The following CCNL1 variants were observed in gnomAD, a reference collection of about 807,000 sequenced individuals.
CCNL1 encodes the protein cyclin L1, also known as cyclin-L1.
A neutral mutation model predicts 60.6 loss-of-function variants in CCNL1; 13 were observed. That is an observed-to-expected ratio of 0.21 (90% CI 0.14 to 0.34). CCNL1 has a LOEUF of 0.34. Among genes scored for constraint, CCNL1 ranks in the 10% least tolerant of loss-of-function variants. The pLI is 1.00. For synonymous variants in CCNL1, 270 were observed against 244.3 expected (o/e 1.10, Z -0.98); for missense variants, 481 against 664.3 (o/e 0.72, Z 3.03).
At chr3:157,150,477 C>T (rs1479325773) in intron 5 of CCNL1, 96 bp from the exon 6 acceptor site, 12 of 1,486,546 alleles carry the variant, frequency 8.1e-6, no homozygotes, top group Non-Finnish European at 1.1e-5. Context: ...ATTCTTTTTT[C>T]TTCTCTTATT....
intron 3 of CCNL1, 140 bp from the exon 4 acceptor site, chr3:157,153,296 A>G (rs1469034103): frequency 2.8e-6 from 2 of 719,072 alleles, no homozygotes. Flanking sequence ...TTAAAGCATT[A>G]ATCTTGTGCT....
chr3:157,159,590 C>T (rs2108143676), intron 1 of CCNL1, 111 bp from the exon 2 acceptor site: 135 of 1,056,040 alleles, frequency 1.3e-4, no homozygotes, highest in Non-Finnish European at 1.4e-4. Flanking sequence ...CCGCCGCCGC[C>T]GCTGCGAACA....
intron 3 of CCNL1, among the ~76,000 whole-genome samples, chr3:157,156,394 A>G (rs897255250): frequency 6.6e-6 from 1 of 152,214 alleles, no homozygotes; most frequent in African/African-American, 2.4e-5. Context: ...CTGAAAATAC[A>G]TTGTATTTAC....
chr3:157,149,720 C>T, intron 8 of CCNL1, 116 bp downstream of exon 8: 3 of 1,463,766 alleles, frequency 2.0e-6, no homozygotes, highest in Non-Finnish European at 2.8e-6. Context: ...CATGAGAGAA[C>T]ATAGCAGCAG....
chr3:157,159,855 C>G lies in CCNL1; in HGVS notation c.240G>C (p.Thr80=), dbSNP rs1227793903. ...GCTCGCAGCCCAGGATGCGTAAGTCCGTCTCACTGGGCAGGTCGAGCCCAT... is the reference window on the plus strand; with the variant it reads ...GCTCGCAGCCCAGGATGCGTAAGTCGGTCTCACTGGGCAGGTCGAGCCCAT... ...MQDGLDLPSE[T]DLRILGCELI... Residue 80 remains threonine (T), a synonymous_variant, in exon 1 of 11, where the codon ACG becomes ACC. Coordinates refer to ENST00000295926, the MANE Select transcript of CCNL1 (RefSeq NM_020307.4). The G allele has an allele frequency of 6.4e-7, 1 of 1,574,508 alleles. No individual in the cohort carries two copies.
rs1738167022 is a variant in CCNL1, at chr3:157,151,238, G to A, written c.675-857C>T. On this transcript the variant is annotated intron_variant, in intron 5 of 10. Coordinates refer to ENST00000295926, the MANE Select transcript of CCNL1 (RefSeq NM_020307.4). ...TACTGAGTCCAAAAGAAGCATGGCA[G>A]TCATAAAAAGGACATCTTGCTGGGA... is the stretch of plus-strand genomic sequence containing the variant. 4.1e-6 allele frequency: 4 copies of A among 985,432 alleles called. No homozygotes were observed. The South Asian group carries it at 1.9e-4, about 46-fold the overall frequency. 61.0% of individuals were successfully genotyped at this position (985,432 alleles called of 1,614,324 possible). A position where few individuals can be genotyped will look rare whatever the true frequency, so the allele number is the denominator to read the frequency against.
At chr3:157,150,542 G>A in intron 5 of CCNL1, 161 bp from the exon 6 acceptor site, 1 of 1,373,458 alleles carries the variant, frequency 7.3e-7, no homozygotes, top group Non-Finnish European at 9.5e-7. Flanking sequence ...AAAAAAATCA[G>A]TAAGCAATAA....
intron 10 of CCNL1, 128 bp from the exon 11 acceptor site, chr3:157,148,717 T>C: frequency 1.4e-6 from 1 of 736,144 alleles, no homozygotes; most frequent in Non-Finnish European, 2.2e-6. Context: ...CTTTTCAAAA[T>C]CTCCCCACCC....
rs1737919135 is a variant in CCNL1 at position 157,148,576 on chromosome 3, G to A, written c.1246C>T (p.Arg416Trp). 1 of 1,606,728 alleles carries A rather than the reference G, an allele frequency of 6.2e-7. No homozygotes were observed. Among genetic ancestry groups the A allele is most frequent in the Non-Finnish European group, 8.5e-7 (1 of 1,177,050 alleles). The change falls in exon 11 of 11, where the codon CGG (arginine) becomes TGG (tryptophan). Residue 416 changes from arginine to tryptophan, a missense_variant. Coordinates refer to ENST00000295926, the MANE Select transcript of CCNL1 (RefSeq NM_020307.4). The part of the protein sequence containing the change: ...HTPRRHYNNR[R>W]SRSGTYSSRS... ...GAGCTGTATGTTCCAGATCGACTCC[G>A]CCTATTATTATAGCTTAGATAATAA...
At chr3:157,145,437 C>CAAAAAA (rs56894231), downstream of CCNL1, among the ~76,000 whole-genome samples, 4 of 24,266 alleles carry the variant, frequency 1.6e-4, no homozygotes, top group East Asian at 1.7e-3. Context: ...GACTTCATCT[C>CAAAAAA]AAAAAAAAAA....
At chr3:157,158,667 CT>C (rs1410095497) in intron 3 of CCNL1, 198 bp downstream of exon 3, 4 of 447,908 alleles carry the variant, frequency 8.9e-6, no homozygotes, top group African/African-American at 8.1e-5. Flanking sequence ...CCTCTACAAA[CT>C]TTAGATAACC....
intron 1 of CCNL1, 125 bp downstream of exon 1, chr3:157,159,667 G>A: frequency 9.2e-7 from 1 of 1,085,186 alleles, no homozygotes; most frequent in East Asian, 2.7e-5. Flanking sequence ...CCGCGGCTGG[G>A]CCCCGAACGG....
chr3:157,145,455 A>AAAAAAAAAAAAAAAAAAAAAAAAC (rs1737753226), downstream of CCNL1, among the ~76,000 whole-genome samples: 1 of 148,352 alleles, frequency 6.7e-6, no homozygotes. Flanking sequence ...AAAAAAAAAA[A>AAAAAAAAAAAAAAAAAAAAAAAAC]AAAAAAAAAC....
At chr3:157,148,650 G>A in intron 10 of CCNL1, 61 bp from the exon 11 acceptor site, 1 of 1,447,412 alleles carries the variant, frequency 6.9e-7, no homozygotes, top group Non-Finnish European at 9.3e-7. Context: ...TTATTCCGGT[G>A]GTTGCTCATA....
At position 157,148,569 on chromosome 3, in the gene CCNL1, C is replaced by A. The variant is rs771814832; in HGVS notation, c.1253G>T (p.Arg418Leu). ...PRRHYNNRRS[R>L]SGTYSSRSRS... ...TGATCTCGAGCTGTATGTTCCAGAT[C>A]GACTCCGCCTATTATTATAGCTTAG... The change falls in exon 11 of 11, where the codon CGA becomes CTA. Residue 418 changes from arginine to leucine, a missense_variant. This residue lies in a region of CCNL1 where 197 missense variants were observed against 233.9 expected (regional missense o/e 0.84). Coordinates refer to ENST00000295926, the MANE Select transcript of CCNL1 (RefSeq NM_020307.4). The A allele has an allele frequency of 1.9e-6, 3 of 1,610,426 alleles. No homozygotes were observed. The highest frequency in any genetic ancestry group is 2.2e-5 in the East Asian group (1 of 44,822).
chr3:157,153,169 A>T lies in CCNL1; in HGVS notation c.489-13T>A. ...GGGGCTTGGAGTCCTATAGTTTGTA[A>T]GAAATAAAATCAAAACTGTTTTGCA... On this transcript the variant is annotated splice_polypyrimidine_tract_variant and intron_variant, in intron 3 of 10. Coordinates refer to ENST00000295926, the MANE Select transcript of CCNL1 (RefSeq NM_020307.4). 1 of 1,595,298 alleles carries T rather than the reference A, an allele frequency of 6.3e-7. No individual in the cohort carries two copies. The highest frequency in any genetic ancestry group is 8.5e-7 in the Non-Finnish European group (1 of 1,174,224).
In CCNL1 at chr3:157,147,925, TTA is replaced by T; in HGVS notation, c.*314_*315del. The T allele has an allele frequency of 9.5e-7, 1 of 1,054,506 alleles. No homozygotes were observed. The highest frequency in any genetic ancestry group is 7.3e-5 in the East Asian group (1 of 13,696). The allele number at this position is 1,054,506 out of a possible 1,614,324, so 65.3% of individuals were successfully genotyped here. A position where few individuals can be genotyped will look rare whatever the true frequency, so the allele number is the denominator to read the frequency against. ...CTTAAATAGAACAGTGTCTGCAATTTTATCTGTATAAAAATAAGATACATTTT... is the reference window on the plus strand; with the variant it reads ...CTTAAATAGAACAGTGTCTGCAATTTTCTGTATAAAAATAAGATACATTTT... On this transcript the variant is annotated 3_prime_UTR_variant, in exon 11 of 11. Coordinates refer to ENST00000295926, the MANE Select transcript of CCNL1 (RefSeq NM_020307.4).
Position 157,149,558 on chromosome 3 carries a change from T to C in CCNL1, c.1060A>G (p.Ile354Val), listed in dbSNP as rs778994186. The C allele has an allele frequency of 3.1e-6, 5 of 1,613,936 alleles. No homozygotes were observed. The South Asian group carries it at 3.3e-5, about 11-fold the overall frequency. Residue 354 changes from isoleucine to valine, a missense_variant, in exon 9 of 11, where the codon ATC becomes GTC. Physicochemically the swap from Ile to Val is conservative, Grantham distance 29. This residue lies in a region of CCNL1 where 197 missense variants were observed against 233.9 expected (regional missense o/e 0.84). Transcript: ENST00000295926. ...REVKAEEKSP[I>V]SINVKTVKKE... is the part of the protein sequence containing the mutation. ...TTGACTGTCTTCACATTAATGGAGA[T>C]TGGTGATTTCTCTTCAGCTTTTACT... is the stretch of plus-strand genomic sequence containing the variant.
chr3:157,150,623 C>A, intron 5 of CCNL1: 1 of 1,187,906 alleles, frequency 8.4e-7, no homozygotes, highest in Non-Finnish European at 1.1e-6. Flanking sequence ...TTTCATATTA[C>A]AATCCAAACT....
Sources: gnomAD v4.1 joint callset for allele counts (sites outside exome capture counted in the v4.1 genomes callset) on GRCh38, gnomAD v4.1.1 for gene constraint, gnomAD v4.1.1 regional missense constraint, MANE v1.5 for transcripts, NCBI Gene and HGNC (gene_info 2026-07-23, HGNC 2026-07-21) for gene names.